The following TTN variants were observed in gnomAD, a reference collection of about 807,000 sequenced individuals.
TTN encodes the protein connectin.
TTN carries 1,525 observed loss-of-function variants against 3,223.0 expected under a neutral mutation model. That is an observed-to-expected ratio of 0.47 (90% CI 0.45 to 0.49). The LOEUF is 0.49. Ranked by LOEUF, TTN falls within the 20% of genes least tolerant of loss-of-function variation. The probability of loss-of-function intolerance (pLI) is 0.00; values close to 1 mark genes in which losing one functional copy is unlikely to be tolerated. For synonymous variants in TTN, 14,094 were observed against 15,161.0 expected (o/e 0.93, Z 5.17); for missense variants, 40,786 against 43,424.0 (o/e 0.94, Z 5.40).
At chr2:178,631,916 A>G (rs2059851820) in intron 236 of TTN, among the ~76,000 whole-genome samples, 2 of 152,028 alleles carry the variant, frequency 1.3e-5, no homozygotes, top group Non-Finnish European at 2.9e-5. Context: ...GAAGAATTTT[A>G]AGTTGGCTTT....
chr2:178,651,648 A>T lies in TTN; in HGVS notation c.39463+18T>A. ...AAAGAAAGTTTTTTGTTAGGGAGTT[A>T]GTGGCAGTGAGGAATACCTTTCACT... On this transcript the variant is annotated intron_variant, in intron 206 of 362. Coordinates refer to ENST00000589042, the MANE Select transcript of TTN (RefSeq NM_001267550.2). 1 of 1,612,998 alleles carries T rather than the reference A, an allele frequency of 6.2e-7. No individual in the cohort carries two copies. Among genetic ancestry groups the T allele is most frequent in the East Asian group, 2.2e-5 (1 of 44,752 alleles).
At position 178,769,725 on chromosome 2, in the gene TTN, T is replaced by A. The variant is rs2091184930; in HGVS notation, c.8856A>T (p.Thr2952=). The change falls in exon 37 of 363, where the codon ACA becomes ACT. Residue 2952 remains threonine, a synonymous_variant. Transcript: ENST00000589042. Reference sequence around the variant, plus strand: ...TGACTTGGTCATTGCCACAGACAAATGTGTATTCTGCCGAGTCCTCTGTGC... The same window carrying A: ...TGACTTGGTCATTGCCACAGACAAAAGTGTATTCTGCCGAGTCCTCTGTGC... ...NTSTEDSAEY[T]FVCGNDQVSA... The A allele has an allele frequency of 1.2e-6, 2 of 1,613,644 alleles. No homozygotes were observed. The highest frequency in any genetic ancestry group is 2.7e-5 in the African/African-American group (2 of 74,994).
In TTN at chr2:178,558,062, C is replaced by G. The variant is rs369063299; in HGVS notation, c.87292G>C (p.Glu29098Gln). The change falls in exon 328 of 363, where the codon GAG becomes CAG. Residue 29098 changes from glutamate (E) to glutamine (Q), a missense_variant. Physicochemically the swap from Glu to Gln is conservative, Grantham distance 29. Coordinates refer to ENST00000589042, the MANE Select transcript of TTN (RefSeq NM_001267550.2). ...TCTTTGAGATTGATGGTCAGGTTCT[C>G]AGCAGTAATTTCGGTATTAAATCTC... ...TMRFNTEITAENLTINLKESV... is the reference protein window; with the variant it reads ...TMRFNTEITAQNLTINLKESV... The G allele has an allele frequency of 1.2e-6, 2 of 1,613,830 alleles. No homozygotes were observed. The highest frequency in any genetic ancestry group is 2.7e-5 in the African/African-American group (2 of 74,940).
In TTN at chr2:178,717,091, G is replaced by A. The variant is rs761398547; in HGVS notation, c.25639+4C>T. 3.1e-6 allele frequency: 5 copies of A among 1,605,828 alleles called. No individual in the cohort carries two copies. The highest frequency in any genetic ancestry group is 4.5e-5 in the East Asian group (2 of 44,670). The stretch of plus-strand genomic sequence containing the variant: ...AGATCTTGCTCCTTCACTCTAACAA[G>A]TACCTTGTACACCCAGCTGAGCAGA... On this transcript the variant is annotated splice_donor_region_variant and intron_variant, in intron 88 of 362. Coordinates refer to ENST00000589042, the MANE Select transcript of TTN (RefSeq NM_001267550.2).
chr2:178,746,494 T>C (rs748422377), intron 47 of TTN: 1 of 1,613,120 alleles, frequency 6.2e-7, no homozygotes, highest in Non-Finnish European at 8.5e-7. Context: ...AAGGTGTTCT[T>C]GATGATGTGG....
At chr2:178,761,449 A>G (rs1433048419) in intron 43 of TTN, among the ~76,000 whole-genome samples, 1 of 152,218 alleles carries the variant, frequency 6.6e-6, no homozygotes, top group African/African-American at 2.4e-5. Context: ...CACTCATGAT[A>G]TCACTTTCCA....
intron 43 of TTN, among the ~76,000 whole-genome samples, chr2:178,762,058 T>C (rs1439058879): frequency 6.6e-6 from 1 of 152,184 alleles, no homozygotes; most frequent in Non-Finnish European, 1.5e-5. Context: ...CCACGTTTCA[T>C]GCTTCAGAAA....
rs1245486609 is a variant in TTN, at chr2:178,574,010, A to G, written c.72122T>C (p.Leu24041Ser). 1 of 1,613,372 alleles carries G rather than the reference A, an allele frequency of 6.2e-7. No homozygotes were observed. Among genetic ancestry groups the G allele is most frequent in the South Asian group, 1.1e-5 (1 of 91,060 alleles). The change falls in exon 326 of 363, where the codon TTA becomes TCA. Residue 24041 changes from leucine to serine, a missense_variant. Coordinates refer to ENST00000589042, the MANE Select transcript of TTN (RefSeq NM_001267550.2). Reference protein sequence around the residue: ...VDVKFKDTVILKAGEAFRLEA... With the variant: ...VDVKFKDTVISKAGEAFRLEA... The stretch of plus-strand genomic sequence containing the variant: ...CAGTCTGAATGCTTCACCTGCTTTT[A>G]ATATAACCGTGTCCTTAAATTTAAC...
At chr2:178,580,264 G>T in intron 317 of TTN, 35 bp from the exon 318 acceptor site, 1 of 1,605,590 alleles carries the variant, frequency 6.2e-7, no homozygotes, top group Non-Finnish European at 8.5e-7. Flanking sequence ...AAATGAATGT[G>T]TAAAAAATAC....
In TTN at chr2:178,795,070, G is replaced by T. The variant is rs764626932; in HGVS notation, c.1097C>A (p.Thr366Asn). 3.1e-6 allele frequency: 5 copies of T among 1,613,786 alleles called. No individual in the cohort carries two copies. Among genetic ancestry groups the T allele is most frequent in the Non-Finnish European group, 1.7e-6 (2 of 1,180,016 alleles). ...CTCTTCTGTCCTGATCTGAGTAGAG[G>T]TTGTCAGCGTTGTCTCTCTCATCTC... The part of the protein sequence containing the change: ...EAEMRETTLT[T>N]STQIRTEERW... Residue 366 changes from threonine to asparagine, a missense_variant, in exon 7 of 363, where the codon ACC becomes AAC. Physicochemically the swap from Thr to Asn is moderately conservative, Grantham distance 65 (BLOSUM62 0). Coordinates refer to ENST00000589042, the MANE Select transcript of TTN (RefSeq NM_001267550.2).
chr2:178,598,748 C>T lies in TTN; in HGVS notation c.56962G>A (p.Ala18988Thr), dbSNP rs773382779. ...SDPATARDPI[A>T]PPGPPFPKVT... ...AAAAAGGAATGGTTTCCAGGCTTACCAATTGGATCTCTAGCAGTCGCTGGG... is the reference window on the plus strand; with the variant it reads ...AAAAAGGAATGGTTTCCAGGCTTACTAATTGGATCTCTAGCAGTCGCTGGG... The change falls in exon 291 of 363, where the codon GCC becomes ACC. Residue 18988 changes from alanine to threonine, a missense_variant and splice_region_variant. By Grantham distance (58) the Ala-to-Thr change is moderately conservative. Transcript: ENST00000589042. The T allele has an allele frequency of 5.6e-6, 9 of 1,610,392 alleles. No individual in the cohort carries two copies. The highest frequency in any genetic ancestry group is 5.1e-6 in the Non-Finnish European group (6 of 1,178,834).
chr2:178,650,079 G>C, intron 210 of TTN, 85 bp downstream of exon 210: 1 of 1,329,866 alleles, frequency 7.5e-7, no homozygotes, highest in Non-Finnish European at 1.0e-6. Flanking sequence ...CAAGATACAA[G>C]ACTGATATTT....
At chr2:178,753,059 C>A in intron 47 of TTN, 65 bp downstream of exon 47, 1 of 1,339,492 alleles carries the variant, frequency 7.5e-7, no homozygotes, top group Non-Finnish European at 1.1e-6. Context: ...AGAAAGAAGG[C>A]AACTCAAGGA....
chr2:178,597,833 A>G lies in TTN; in HGVS notation c.57263-14T>C. ...GGTCAGGTGAAACTGGAAGCAATTG[A>G]AAATTACAAATGTGATTTTTCCCCT... On this transcript the variant is annotated splice_polypyrimidine_tract_variant and intron_variant, in intron 293 of 362. Transcript: ENST00000589042. The G allele has an allele frequency of 1.2e-6, 2 of 1,612,650 alleles. No individual in the cohort carries two copies. Among genetic ancestry groups the G allele is most frequent in the South Asian group, 2.2e-5 (2 of 90,910 alleles).
rs750414909 is a variant in TTN, at chr2:178,677,621, C to G, written c.34291G>C (p.Val11431Leu). ...ATGATTCCAAGAAGAGCTGCTATAC[C>G]TGGTGCAGGTACTGGCACCTTAGGT... is the stretch of plus-strand genomic sequence containing the variant. The part of the protein sequence containing the change: ...VKPKVPVPAP[V>L]PEVPKKPVPE... Residue 11431 changes from valine to leucine, a missense_variant and splice_region_variant, in exon 146 of 363, where the codon GTG (valine) becomes CTG (leucine). Transcript: ENST00000589042. 1 of 1,609,032 alleles carries G rather than the reference C, an allele frequency of 6.2e-7. No individual in the cohort carries two copies. The highest frequency in any genetic ancestry group is 1.1e-5 in the South Asian group (1 of 90,330).
intron 18 of TTN, 83 bp downstream of exon 18, chr2:178,782,723 T>G: frequency 1.2e-6 from 2 of 1,608,842 alleles, no homozygotes; most frequent in Non-Finnish European, 1.7e-6. Flanking sequence ...CATTTCAAGG[T>G]GCACAGAAAC....
In TTN at chr2:178,729,353, T is replaced by A. The variant is rs1378963436; in HGVS notation, c.18803A>T (p.Glu6268Val). ...TTCATTGGATACAATGCACTGGTAT[T>A]CCCCAGTGTCTGAAGGGTCACACTT... ...ITKCDPSDTG[E>V]YQCIVSNEGG... Residue 6268 changes from glutamate (E) to valine (V), a missense_variant, in exon 64 of 363, where the codon GAA becomes GTA. Coordinates refer to ENST00000589042, the MANE Select transcript of TTN (RefSeq NM_001267550.2). 1 of 1,613,594 alleles carries A rather than the reference T, an allele frequency of 6.2e-7. No homozygotes were observed.
chr2:178,675,775 T>G, intron 148 of TTN, 21 bp from the exon 149 acceptor site: 3 of 1,488,964 alleles, frequency 2.0e-6, no homozygotes, highest in Non-Finnish European at 2.7e-6. Context: ...ATTATTTTAT[T>G]TTATAAGTTC....
chr2:178,612,726 C>T, intron 265 of TTN, 47 bp downstream of exon 265: 1 of 1,567,888 alleles, frequency 6.4e-7, no homozygotes, highest in Non-Finnish European at 8.6e-7. Flanking sequence ...AGCTCACAGG[C>T]AGATATTAGA....
Sources: allele counts gnomAD v4.1 joint callset (sites outside exome capture counted in the v4.1 genomes callset), GRCh38; gene constraint gnomAD v4.1.1; transcripts MANE v1.5; gene names NCBI Gene and HGNC (gene_info 2026-07-23, HGNC 2026-07-21).